SLC24A2: variants seen among roughly 807,000 people sequenced by gnomAD.
SLC24A2 encodes the protein sodium/potassium/calcium exchanger 2.
Under a neutral mutation model 62.0 loss-of-function variants are expected in SLC24A2, and 36 were observed. The observed-to-expected ratio is 0.58, with a 90% CI of 0.44 to 0.77. SLC24A2 has a LOEUF of 0.77. Among genes scored for constraint, SLC24A2 ranks in the 30% least tolerant of loss-of-function variants. SLC24A2 has a pLI of 0.00. For synonymous variants in SLC24A2, 358 were observed against 294.0 expected, an observed-to-expected ratio of 1.22 and a Z score of -2.23; for missense variants, 846 against 817.9, an observed-to-expected ratio of 1.03 and a Z score of -0.42.
At position 19,509,615 on chromosome 9, in the gene SLC24A2, G is replaced by C. The variant is rs1446012732; in HGVS notation, c.*6538C>G. The C allele has an allele frequency of 3.3e-5, 5 of 152,092 alleles. No homozygotes were observed. Among genetic ancestry groups the C allele is most frequent in the African/African-American group, 4.8e-5 (2 of 41,400 alleles). The allele number at this position is 152,092 out of a possible 1,614,324, so 9.4% of individuals were successfully genotyped here. ...CAGTTTTATTCTGATAAGAATTGGGGATTTGTTTAATTAAATGGCAAGAAG... is the reference window on the plus strand; with the variant it reads ...CAGTTTTATTCTGATAAGAATTGGGCATTTGTTTAATTAAATGGCAAGAAG... On this transcript the variant is annotated 3_prime_UTR_variant, in exon 11 of 11. Coordinates refer to ENST00000341998, the MANE Select transcript of SLC24A2 (RefSeq NM_020344.4).
rs935671411 is a variant in SLC24A2, at chr9:19,513,740, C to T, written c.*2413G>A. ...CAGTTGAGTCAGTCACCTATTTAAA[C>T]CTTATTTCAAACAACGCACCAGTCA... On this transcript the variant is annotated 3_prime_UTR_variant, in exon 11 of 11. Coordinates refer to ENST00000341998, the MANE Select transcript of SLC24A2 (RefSeq NM_020344.4). 6.6e-6 allele frequency: 1 copy of T among 152,174 alleles called. No homozygotes were observed. Among genetic ancestry groups the T allele is most frequent in the African/African-American group, 2.4e-5 (1 of 41,442 alleles). The allele number at this position is 152,174 out of a possible 1,614,324, so 9.4% of individuals were successfully genotyped here.
At chr9:19,660,349 C>T (rs1012162199) in intron 2 of SLC24A2, among the ~76,000 whole-genome samples, 1 of 152,132 alleles carries the variant, frequency 6.6e-6, no homozygotes, top group African/African-American at 2.4e-5. Context: ...TATATTTATT[C>T]TTGTACTTTA....
the SLC24A2 span, among the ~76,000 whole-genome samples, chr9:20,177,063 T>A: frequency 1.3e-5 from 2 of 152,154 alleles, no homozygotes; most frequent in African/African-American, 4.8e-5. Context: ...TTACCATGGT[T>A]ATTTTGACCA....
the SLC24A2 span, among the ~76,000 whole-genome samples, chr9:19,950,654 T>C: frequency 7.2e-5 from 11 of 152,186 alleles, no homozygotes; most frequent in African/African-American, 2.7e-4. Flanking sequence ...GTACTTGGGA[T>C]GTATCAGTAA....
the SLC24A2 span, among the ~76,000 whole-genome samples, chr9:20,078,855 A>T: frequency 6.6e-6 from 1 of 152,224 alleles, no homozygotes; most frequent in African/African-American, 2.4e-5. Context: ...GACATAGATA[A>T]ATAGAAATGA....
the SLC24A2 span, among the ~76,000 whole-genome samples, chr9:20,005,680 G>A: frequency 4.0e-5 from 6 of 151,830 alleles, no homozygotes; most frequent in Non-Finnish European, 8.8e-5. Context: ...TCAAGGGAGG[G>A]TTCTCCCAGG....
At chr9:20,302,223 AG>A in the SLC24A2 span, among the ~76,000 whole-genome samples, 1 of 152,154 alleles carries the variant, frequency 6.6e-6, no homozygotes, top group Non-Finnish European at 1.5e-5. Context: ...TACAATTTTC[AG>A]CTCCTTTGGG....
chr9:20,118,361 T>C, the SLC24A2 span, among the ~76,000 whole-genome samples: 1 of 152,102 alleles, frequency 6.6e-6, no homozygotes, highest in East Asian at 1.9e-4. Flanking sequence ...ACAATTTAAG[T>C]TTAATTCTGC....
At chr9:20,258,575 C>A in the SLC24A2 span, among the ~76,000 whole-genome samples, 6 of 152,200 alleles carry the variant, frequency 3.9e-5, no homozygotes, top group Non-Finnish European at 8.8e-5. Context: ...ACTCTAAATT[C>A]TCTGACTTTG....
chr9:20,035,211 T>G, the SLC24A2 span, among the ~76,000 whole-genome samples: 1 of 152,180 alleles, frequency 6.6e-6, no homozygotes, highest in Non-Finnish European at 1.5e-5. Context: ...TGAAAACTCT[T>G]GATTTTACAC....
rs912631519 is a variant in SLC24A2 at position 19,512,092 on chromosome 9, C to G, written c.*4061G>C. On this transcript the variant is annotated 3_prime_UTR_variant, in exon 11 of 11. Transcript: ENST00000341998. Reference sequence around the variant, plus strand: ...TTAAAGTGGTCTGGGGGTGGGCTCCCTTTGTAGCTCATCTCTTCTCTCACT... The same window carrying G: ...TTAAAGTGGTCTGGGGGTGGGCTCCGTTTGTAGCTCATCTCTTCTCTCACT... The G allele has an allele frequency of 1.3e-5, 2 of 152,262 alleles. No homozygotes were observed. Among genetic ancestry groups the G allele is most frequent in the African/African-American group, 2.4e-5 (1 of 41,452 alleles). The allele number at this position is 152,262 out of a possible 1,614,324, so 9.4% of individuals were successfully genotyped here. A position where few individuals can be genotyped will look rare whatever the true frequency, so the allele number is the denominator to read the frequency against.
At chr9:19,527,493 A>G (rs1162428591) in intron 9 of SLC24A2, among the ~76,000 whole-genome samples, 6 of 152,210 alleles carry the variant, frequency 3.9e-5, no homozygotes, top group Non-Finnish European at 8.8e-5. Context: ...ATCTTTGAAA[A>G]TGTGAAACCC....
At chr9:19,613,523 C>T (rs568469948) in intron 4 of SLC24A2, among the ~76,000 whole-genome samples, 2 of 152,086 alleles carry the variant, frequency 1.3e-5, no homozygotes, top group Non-Finnish European at 2.9e-5. Flanking sequence ...TCCTAAACAT[C>T]TTTATTCCCA....
At chr9:20,088,534 G>A in the SLC24A2 span, among the ~76,000 whole-genome samples, 1 of 152,164 alleles carries the variant, frequency 6.6e-6, no homozygotes, top group African/African-American at 2.4e-5. Context: ...GGGTTTTCCA[G>A]TCAGCAGCAG....
intron 7 of SLC24A2, among the ~76,000 whole-genome samples, chr9:19,561,460 A>C (rs1261372884): frequency 7.9e-6 from 1 of 126,692 alleles, no homozygotes; most frequent in Non-Finnish European, 1.6e-5. Context: ...TTTGAGATGG[A>C]GTCTTGCTCT....
intron 2 of SLC24A2, among the ~76,000 whole-genome samples, chr9:19,667,332 C>T (rs2118287248): frequency 6.6e-6 from 1 of 152,276 alleles, no homozygotes; most frequent in East Asian, 1.9e-4. Context: ...CACCCAGGTC[C>T]ATCCTTTCTC....
the SLC24A2 span, among the ~76,000 whole-genome samples, chr9:20,281,659 C>A: frequency 6.6e-6 from 1 of 152,194 alleles, no homozygotes; most frequent in Non-Finnish European, 1.5e-5. Flanking sequence ...ATGAACTGCT[C>A]AGCATCATTG....
At chr9:19,553,846 T>C (rs961163190) in intron 7 of SLC24A2, among the ~76,000 whole-genome samples, 3 of 152,326 alleles carry the variant, frequency 2.0e-5, no homozygotes, top group Admixed American at 2.0e-4. Flanking sequence ...TTTATCCAGT[T>C]ACAGGGCTGC....
At chr9:20,240,238 T>G in the SLC24A2 span, among the ~76,000 whole-genome samples, 1 of 152,160 alleles carries the variant, frequency 6.6e-6, no homozygotes, top group Non-Finnish European at 1.5e-5. Flanking sequence ...TATGTAAATA[T>G]TCTCTTAATT....
Sources: gnomAD v4.1 joint callset for allele counts (sites outside exome capture counted in the v4.1 genomes callset) on GRCh38, gnomAD v4.1.1 for gene constraint, MANE v1.5 for transcripts, NCBI Gene and HGNC (gene_info 2026-07-23, HGNC 2026-07-21) for gene names.